The following KYAT3 variants were observed in gnomAD, a reference collection of about 807,000 sequenced individuals.
KYAT3 encodes kynurenine aminotransferase 3.
Under a neutral mutation model 59.0 loss-of-function variants are expected in KYAT3, and 50 were observed. The ratio of observed to expected loss-of-function variants is 0.85; its 90% CI spans 0.68 to 1.07. The LOEUF (loss-of-function observed/expected upper bound fraction) is 1.07. KYAT3 is among the 50% of genes least tolerant of loss of function. The pLI is 0.00. For missense variants in KYAT3, 497 were observed against 533.3 expected (o/e 0.93, Z 0.67); for synonymous variants, 148 against 177.0 (o/e 0.84, Z 1.30).
At chr1:88,947,399 C>T (rs1675485654) in intron 11 of KYAT3, among the ~76,000 whole-genome samples, 1 of 152,156 alleles carries the variant, frequency 6.6e-6, no homozygotes, top group Non-Finnish European at 1.5e-5. Flanking sequence ...GGGAGGCCTG[C>T]TGCCTCTTCT....
intron 12 of KYAT3, 40 bp downstream of exon 12, chr1:88,943,310 T>C (rs185980058): frequency 7.9e-7 from 1 of 1,260,454 alleles, no homozygotes; most frequent in Non-Finnish European, 1.1e-6. Context: ...AAATTAACTA[T>C]AAAATATAAC....
At chr1:88,958,240 G>A (rs1675998379) in intron 8 of KYAT3, among the ~76,000 whole-genome samples, 2 of 152,048 alleles carry the variant, frequency 1.3e-5, no homozygotes, top group African/African-American at 4.8e-5. Context: ...TATTTACCCT[G>A]GTTAAAGGTC....
At chr1:88,927,576 AC>A in the KYAT3 span, among the ~76,000 whole-genome samples, 2 of 151,238 alleles carry the variant, frequency 1.3e-5, no homozygotes, top group African/African-American at 4.9e-5. Context: ...ACTAATAAGG[AC>A]CCCCCTTCAA....
chr1:88,986,137 C>T (rs908619478), intron 2 of KYAT3, among the ~76,000 whole-genome samples: 6 of 150,258 alleles, frequency 4.0e-5, no homozygotes, highest in Non-Finnish European at 7.4e-5. Flanking sequence ...GCCGAGATTG[C>T]GCCATTGCAC....
At chr1:88,982,687 T>G in intron 2 of KYAT3, 1 of 1,613,562 alleles carries the variant, frequency 6.2e-7, no homozygotes, top group African/African-American at 1.3e-5. Context: ...CTCTATCAGA[T>G]CGGCTTCCTC....
At chr1:88,974,130 G>T (rs1676667959) in intron 2 of KYAT3, among the ~76,000 whole-genome samples, 1 of 152,196 alleles carries the variant, frequency 6.6e-6, no homozygotes, top group African/African-American at 2.4e-5. Context: ...TTGGGAAACA[G>T]ATGGATACCA....
intron 13 of KYAT3, among the ~76,000 whole-genome samples, chr1:88,941,189 G>A (rs376270948): frequency 2.6e-5 from 4 of 152,048 alleles, no homozygotes; most frequent in East Asian, 1.9e-4. Flanking sequence ...TAGCATTACC[G>A]TTCTTTAAAA....
chr1:88,974,346 C>T (rs1238593967), intron 2 of KYAT3, among the ~76,000 whole-genome samples: 1 of 151,954 alleles, frequency 6.6e-6, no homozygotes, highest in Non-Finnish European at 1.5e-5. Context: ...ATAAAAATTT[C>T]ACTTTTAATT....
the KYAT3 span, among the ~76,000 whole-genome samples, chr1:88,924,976 T>C: frequency 2.0e-5 from 3 of 152,180 alleles, no homozygotes; most frequent in African/African-American, 7.2e-5. Flanking sequence ...GCCACCATCT[T>C]GGAAGCAGCC....
intron 2 of KYAT3, among the ~76,000 whole-genome samples, chr1:88,977,327 G>A (rs879523219): frequency 2.0e-5 from 3 of 152,126 alleles, no homozygotes; most frequent in East Asian, 1.9e-4. Flanking sequence ...TCAGCTTCCC[G>A]AGTAGCTGGG....
chr1:88,946,311 C>G (rs1385830074), intron 11 of KYAT3, among the ~76,000 whole-genome samples: 1 of 137,034 alleles, frequency 7.3e-6, no homozygotes, highest in Non-Finnish European at 1.6e-5. Flanking sequence ...TTCTTTCCCT[C>G]CTATGTGTAA....
chr1:88,928,549 C>T, the KYAT3 span, among the ~76,000 whole-genome samples: 3 of 152,198 alleles, frequency 2.0e-5, no homozygotes, highest in African/African-American at 7.2e-5. Flanking sequence ...GCCACCCCCT[C>T]GTCCATGCCC....
At chr1:88,942,491 G>T (rs1675273654) in intron 13 of KYAT3, among the ~76,000 whole-genome samples, 1 of 151,928 alleles carries the variant, frequency 6.6e-6, no homozygotes, top group African/African-American at 2.4e-5. Context: ...GCTAGAAATT[G>T]TCATATTACA....
At chr1:88,953,190 A>G in intron 9 of KYAT3, 38 bp from the exon 10 acceptor site, 1 of 1,353,140 alleles carries the variant, frequency 7.4e-7, no homozygotes, top group Non-Finnish European at 1.1e-6. Flanking sequence ...AGAAAATCTA[A>G]TTGTATATAA....
chr1:88,976,101 G>A (rs1676779878), intron 2 of KYAT3, among the ~76,000 whole-genome samples: 1 of 151,880 alleles, frequency 6.6e-6, no homozygotes, highest in South Asian at 2.1e-4. Context: ...GCTCACGCCT[G>A]TAATCCCAGC....
intron 10 of KYAT3, among the ~76,000 whole-genome samples, chr1:88,950,649 A>G (rs942824960): frequency 1.4e-4 from 22 of 152,260 alleles, no homozygotes; most frequent in South Asian, 8.3e-4. Flanking sequence ...TAACCTATTG[A>G]CAAATAATGT....
chr1:88,949,379 G>T, intron 10 of KYAT3, 102 bp from the exon 11 acceptor site: 1 of 781,118 alleles, frequency 1.3e-6, no homozygotes, highest in Non-Finnish European at 1.9e-6. Flanking sequence ...TAAAATTATT[G>T]GCAAAGAAGT....
At chr1:88,976,490 A>G (rs1376852456) in intron 2 of KYAT3, among the ~76,000 whole-genome samples, 2 of 152,256 alleles carry the variant, frequency 1.3e-5, no homozygotes, top group Non-Finnish European at 2.9e-5. Context: ...ATAAAAGTCT[A>G]GAACATACAA....
intron 2 of KYAT3, chr1:88,982,359 G>A (rs1677134852): frequency 4.0e-6 from 3 of 744,530 alleles, no homozygotes; most frequent in African/African-American, 1.8e-5. Context: ...AAACCAGATA[G>A]GAAGTGGTCT....
Sources: allele counts gnomAD v4.1 joint callset (sites outside exome capture counted in the v4.1 genomes callset), GRCh38; gene constraint gnomAD v4.1.1; transcripts MANE v1.5; gene names NCBI Gene and HGNC (gene_info 2026-07-23, HGNC 2026-07-21).